The following AP1G2 variants were observed in gnomAD, a reference collection of about 807,000 sequenced individuals.
The protein encoded by AP1G2 is AP-1 complex subunit gamma-like 2.
A neutral mutation model predicts 95.8 loss-of-function variants in AP1G2; 85 were observed. That is an observed-to-expected ratio of 0.89 (90% CI 0.74 to 1.06). AP1G2 has a LOEUF of 1.06. AP1G2 is among the 50% of genes least tolerant of loss of function. AP1G2 has a pLI of 0.00. For synonymous variants in AP1G2, 378 were observed against 400.0 expected (o/e 0.94, Z 0.66); for missense variants, 967 against 1,005.8 (o/e 0.96, Z 0.52).
Position 23,566,132 on chromosome 14 carries a change from C to G in AP1G2, c.500G>C (p.Arg167Pro). 6.2e-7 allele frequency: 1 copy of G among 1,608,142 alleles called. No individual in the cohort carries two copies. The highest frequency in any genetic ancestry group is 8.5e-7 in the Non-Finnish European group (1 of 1,176,314). The change falls in exon 5 of 22, where the codon CGG becomes CCG. Residue 167 changes from arginine (R) to proline (P), a missense_variant. Transcript: ENST00000397120. The stretch of plus-strand genomic sequence containing the variant: ...GACACTGGAGAGTTCAGGGACCTTC[C>G]GGATCATGTGCACTGCAGTCAGAAT... ...KAILTAVHMI[R>P]KVPELSSVFL...
At chr14:23,559,871 A>G in intron 21 of AP1G2, 21 bp from the exon 22 acceptor site, 1 of 1,613,570 alleles carries the variant, frequency 6.2e-7, no homozygotes, top group Non-Finnish European at 8.5e-7. Flanking sequence ...GAGAGCAGGG[A>G]CCAGGGTTAG....
Position 23,567,047 on chromosome 14 carries a change from G to C in AP1G2, c.204+64C>G. On this transcript the variant is annotated intron_variant, in intron 2 of 21. Transcript: ENST00000397120. This position sits in a 1 kb window ranked among gnomAD's most constrained non-coding sequence, Gnocchi z 5.3. ...AAAACCAGGGCATAAACAGGTGAGAGAGTCTGGGACTCTGCCCCACTAGCC... is the reference window on the plus strand; with the variant it reads ...AAAACCAGGGCATAAACAGGTGAGACAGTCTGGGACTCTGCCCCACTAGCC... The C allele has an allele frequency of 2.0e-6, 3 of 1,511,216 alleles. No individual in the cohort carries two copies. The highest frequency in any genetic ancestry group is 1.2e-5 in the South Asian group (1 of 83,138). The allele number at this position is 1,511,216 out of a possible 1,614,324, so 93.6% of individuals were successfully genotyped here.
At position 23,561,174 on chromosome 14, in the gene AP1G2, C is replaced by T. The variant is rs113303382; in HGVS notation, c.1993+122G>A. On this transcript the variant is annotated intron_variant, in intron 19 of 21. Coordinates refer to ENST00000397120, the MANE Select transcript of AP1G2 (RefSeq NM_003917.5). ...TTCATTCTTTTACCTCCTGAGATGG[C>T]GATGGGATGGGGGACACACAGGAAG... 82 of 1,427,692 alleles carry T rather than the reference C, an allele frequency of 5.7e-5. 1 individual carries two copies. The African/African-American group carries it at 8.0e-4, about 14-fold the overall frequency. The allele number at this position is 1,427,692 out of a possible 1,614,324, so 88.4% of individuals were successfully genotyped here. A position where few individuals can be genotyped will look rare whatever the true frequency, so the allele number is the denominator to read the frequency against.
chr14:23,567,395 C>G lies in AP1G2; in HGVS notation c.-5-76G>C. 1 of 1,499,270 alleles carries G rather than the reference C, an allele frequency of 6.7e-7. No individual in the cohort carries two copies. Among genetic ancestry groups the G allele is most frequent in the Non-Finnish European group, 8.8e-7 (1 of 1,133,136 alleles). 92.9% of individuals were successfully genotyped at this position (1,499,270 alleles called of 1,614,324 possible). A position where few individuals can be genotyped will look rare whatever the true frequency, so the allele number is the denominator to read the frequency against. Reference sequence around the variant, plus strand: ...CTTTCGGCCCAGGCCCGTCCTGTGTCAAGACCCTAAGAGCCCGGGTCCCAC... The same window carrying G: ...CTTTCGGCCCAGGCCCGTCCTGTGTGAAGACCCTAAGAGCCCGGGTCCCAC... On this transcript the variant is annotated intron_variant, in intron 1 of 21. Transcript: ENST00000397120. This position sits in a 1 kb window ranked among gnomAD's most constrained non-coding sequence, Gnocchi z 5.3.
At chr14:23,560,199 AGT>A (rs1474244605) in intron 20 of AP1G2, 54 bp downstream of exon 20, 1 of 1,588,816 alleles carries the variant, frequency 6.3e-7, no homozygotes, top group Non-Finnish European at 8.6e-7. Context: ...TCCTCCACTT[AGT>A]GGCCTTTTCT....
chr14:23,566,735 C>T (rs1888215817), intron 2 of AP1G2, 49 bp from the exon 3 acceptor site: 1 of 1,602,948 alleles, frequency 6.2e-7, no homozygotes, highest in South Asian at 1.1e-5. Context: ...AAACCATAGA[C>T]ACTCACATCC....
chr14:23,564,465 C>A (rs1886757124), intron 9 of AP1G2, 77 bp from the exon 10 acceptor site: 2 of 1,602,658 alleles, frequency 1.2e-6, no homozygotes, highest in Non-Finnish European at 1.7e-6. Context: ...CACATTGGCG[C>A]AAGATGATGG....
At position 23,559,774 on chromosome 14, in the gene AP1G2, T is replaced by C. The variant is rs1268177265; in HGVS notation, c.2333A>G (p.Asn778Ser). The change falls in exon 22 of 22, where the codon AAC becomes AGC. Residue 778 changes from asparagine (N) to serine (S), a missense_variant. Coordinates refer to ENST00000397120, the MANE Select transcript of AP1G2 (RefSeq NM_003917.5). ...QSVQEIFEVN[N>S]LPVESWQ ...TTACTGCCACGATTCCACAGGCAAGTTGTTCACCTCAAAGATCTCCTGCAC... is the reference window on the plus strand; with the variant it reads ...TTACTGCCACGATTCCACAGGCAAGCTGTTCACCTCAAAGATCTCCTGCAC... 5 of 1,614,008 alleles carry C rather than the reference T, an allele frequency of 3.1e-6. No homozygotes were observed. Among genetic ancestry groups the C allele is most frequent in the African/African-American group, 1.3e-5 (1 of 74,882 alleles).
At position 23,567,567 on chromosome 14, in the gene AP1G2, C is replaced by T. The variant is rs1888687935; in HGVS notation, c.-6+172G>A. 1 of 1,303,150 alleles carries T rather than the reference C, an allele frequency of 7.7e-7. No homozygotes were observed. Among genetic ancestry groups the T allele is most frequent in the Non-Finnish European group, 9.7e-7 (1 of 1,029,634 alleles). 80.7% of individuals were successfully genotyped at this position (1,303,150 alleles called of 1,614,324 possible). On this transcript the variant is annotated intron_variant, in intron 1 of 21. Transcript: ENST00000397120. The surrounding 1 kb of genome is among the most constrained non-coding windows in gnomAD (Gnocchi z 5.3). The stretch of plus-strand genomic sequence containing the variant: ...TATTGAGCATGCGCGGGAGCCCCAC[C>T]TATTTCTCTCTACCGTTTCCTCCCC...
chr14:23,563,506 G>A lies in AP1G2; in HGVS notation c.1288-4C>T. 2.5e-6 allele frequency: 4 copies of A among 1,614,224 alleles called. No homozygotes were observed. The highest frequency in any genetic ancestry group is 3.4e-6 in the Non-Finnish European group (4 of 1,180,018). Reference sequence around the variant, plus strand: ...CATCCCGCACATGGGTGCCCGCCTGGAAGGTGTGGGCATGGCCAAGTCAGT... The same window carrying A: ...CATCCCGCACATGGGTGCCCGCCTGAAAGGTGTGGGCATGGCCAAGTCAGT... On this transcript the variant is annotated splice_polypyrimidine_tract_variant and splice_region_variant and intron_variant, in intron 13 of 21. Transcript: ENST00000397120.
In AP1G2 at chr14:23,564,134, G is replaced by T. The variant is rs138038447; in HGVS notation, c.1003C>A (p.Arg335=). 36 of 1,614,134 alleles carry T rather than the reference G, an allele frequency of 2.2e-5. No homozygotes were observed. In the African/African-American group the frequency reaches 2.7e-4, roughly 12 times the overall value. The change falls in exon 11 of 22, where the codon CGA becomes AGA. Residue 335 remains arginine, a synonymous_variant. Coordinates refer to ENST00000397120, the MANE Select transcript of AP1G2 (RefSeq NM_003917.5). Reference sequence around the variant, plus strand: ...GCACTGTGATCAGACTGCACCAGTCGAAGCAGTGATGTCAGGGCTACATAC... The same window carrying T: ...GCACTGTGATCAGACTGCACCAGTCTAAGCAGTGATGTCAGGGCTACATAC... ...IRYVALTSLL[R]LVQSDHSAVQ... is the part of the protein sequence containing the mutation.
intron 14 of AP1G2, 96 bp from the exon 15 acceptor site, chr14:23,562,689 G>A (rs2139182645): frequency 7.8e-6 from 10 of 1,284,340 alleles, no homozygotes; most frequent in South Asian, 1.4e-5. Context: ...GATTGCTTGA[G>A]ACCAGGAGTT....
Position 23,565,981 on chromosome 14 carries a change from C to T in AP1G2, c.568+83G>A, listed in dbSNP as rs566722957. ...GCCTGTGTGTGTGCACTACCCTTCT[C>T]CTGTGAGCTGGGGTTCCCATCCGAT... On this transcript the variant is annotated intron_variant, in intron 5 of 21. Coordinates refer to ENST00000397120, the MANE Select transcript of AP1G2 (RefSeq NM_003917.5). 173 of 1,611,868 alleles carry T rather than the reference C, an allele frequency of 1.1e-4. No homozygotes were observed. The African/African-American group carries it at 1.5e-3, about 14-fold the overall frequency.
At chr14:23,566,901 T>C in intron 2 of AP1G2, 1 of 881,176 alleles carries the variant, frequency 1.1e-6, no homozygotes, top group Non-Finnish European at 1.7e-6. Flanking sequence ...AGGAGATGCC[T>C]GCCCTAAAGG....
intron 9 of AP1G2, 23 bp downstream of exon 9, chr14:23,564,539 G>A (rs762662655): frequency 6.2e-7 from 1 of 1,610,496 alleles, no homozygotes; most frequent in Non-Finnish European, 8.5e-7. Context: ...GGGCCGTAGT[G>A]GGAGAGGCAT....
chr14:23,564,684 T>G, intron 8 of AP1G2, 24 bp from the exon 9 acceptor site: 1 of 1,598,628 alleles, frequency 6.3e-7, no homozygotes, highest in Non-Finnish European at 8.6e-7. Flanking sequence ...AGAGGAGATG[T>G]ATCTGCTCAA....
At chr14:23,563,005 G>T in intron 14 of AP1G2, 2 of 1,030,254 alleles carry the variant, frequency 1.9e-6, no homozygotes, top group African/African-American at 1.6e-5. Context: ...GATGCTTTCT[G>T]CCCACCCTAT....
chr14:23,561,772 A>G (rs188279933), intron 17 of AP1G2, 137 bp from the exon 18 acceptor site: 3 of 1,469,618 alleles, frequency 2.0e-6, no homozygotes, highest in Admixed American at 4.8e-5. Context: ...CTAAAATGAC[A>G]TGTTGTTGCT....
At position 23,566,661 on chromosome 14, in the gene AP1G2, G is replaced by A; in HGVS notation, c.230C>T (p.Ser77Phe). The A allele has an allele frequency of 6.2e-7, 1 of 1,614,216 alleles. No homozygotes were observed. The highest frequency in any genetic ancestry group is 1.1e-5 in the South Asian group (1 of 91,090). ...CACCCTCTTGTCTGTGAATCTGGAG[G>A]AGGCGATCAGTTTCAGGCACTCCAT... The part of the protein sequence containing the change: ...GQMECLKLIA[S>F]SRFTDKRVGY... Residue 77 changes from serine (S) to phenylalanine (F), a missense_variant, in exon 3 of 22, where the codon TCC becomes TTC. Coordinates refer to ENST00000397120, the MANE Select transcript of AP1G2 (RefSeq NM_003917.5).
Sources: allele counts gnomAD v4.1 joint callset, GRCh38; gene constraint gnomAD v4.1.1; non-coding constraint Gnocchi (gnomAD v3.1); transcripts MANE v1.5; gene names NCBI Gene and HGNC (gene_info 2026-07-23, HGNC 2026-07-21).